CEP295NL: variants seen among roughly 807,000 people sequenced by gnomAD.
CEP295NL encodes CEP295 N-terminal like.
In CEP295NL, 3 loss-of-function variants were observed where a neutral mutation model predicts 4.6. The ratio of observed to expected loss-of-function variants is 0.65; its 90% CI spans 0.30 to 1.69. The LOEUF is 1.69. CEP295NL is among the 40% of genes most tolerant of loss of function. The pLI, the probability that CEP295NL is intolerant of heterozygous loss-of-function variation, is 0.10. For synonymous variants in CEP295NL, 295 were observed against 312.2 expected (o/e 0.94, Z 0.58); for missense variants, 719 against 769.0 (o/e 0.93, Z 0.77).
intron 2 of CEP295NL, chr17:78,900,019 T>C (rs2070065656): frequency 6.6e-6 from 1 of 152,322 alleles, no homozygotes. Context: ...CTAAGGCGCC[T>C]ACGTAGAATA....
chr17:78,896,027 G>A lies in CEP295NL; in HGVS notation c.45-3568C>T, dbSNP rs1568002134. ...GCAGCGTCAGTTTTCCTGGAGACACGCAAACGGGTAAAAACTTAACACATT... is the reference window on the plus strand; with the variant it reads ...GCAGCGTCAGTTTTCCTGGAGACACACAAACGGGTAAAAACTTAACACATT... On this transcript the variant is annotated intron_variant, in intron 2 of 2. Coordinates refer to ENST00000322630, the MANE Select transcript of CEP295NL (RefSeq NM_001243540.2). This position sits in a 1 kb window ranked among gnomAD's most constrained non-coding sequence, Gnocchi z 4.4. Among the ~76,000 whole-genome samples the A allele has an allele frequency of 1.3e-5, 2 of 152,216 alleles. No individual in the cohort carries two copies. Among genetic ancestry groups the A allele is most frequent in the Non-Finnish European group, 2.9e-5 (2 of 68,036 alleles).
At position 78,896,081 on chromosome 17, in the gene CEP295NL, A is replaced by G. The variant is rs1209739259; in HGVS notation, c.45-3622T>C. Among the ~76,000 whole-genome samples, 1 of 152,224 alleles carries G rather than the reference A, an allele frequency of 6.6e-6. No individual in the cohort carries two copies. The highest frequency in any genetic ancestry group is 1.5e-5 in the Non-Finnish European group (1 of 68,032). Reference sequence around the variant, plus strand: ...GCAGAGATCTTTGGGATAAGTCTAGAAAATTGCAGCCAGCTCCATCCTTCA... The same window carrying G: ...GCAGAGATCTTTGGGATAAGTCTAGGAAATTGCAGCCAGCTCCATCCTTCA... On this transcript the variant is annotated intron_variant, in intron 2 of 2. Transcript: ENST00000322630. The surrounding 1 kb of genome is among the most constrained non-coding windows in gnomAD (Gnocchi z 4.4).
chr17:78,902,892 C>G (rs968922633), intron 1 of CEP295NL: 4 of 152,434 alleles, frequency 2.6e-5, no homozygotes, highest in African/African-American at 9.6e-5. Flanking sequence ...CATCTCCAAC[C>G]CAGTCCCACC....
intron 2 of CEP295NL, chr17:78,901,265 T>C (rs4789863): frequency 0.96 from 148,398 of 155,202 alleles, 70,951 homozygotes; most frequent in South Asian, 0.97. Flanking sequence ...GCTCTAGAAA[T>C]GGCCAATTTG....
At chr17:78,895,608 T>C (rs1353756935) in intron 2 of CEP295NL, among the ~76,000 whole-genome samples, 1 of 152,198 alleles carries the variant, frequency 6.6e-6, no homozygotes, top group East Asian at 1.9e-4. Context: ...ACTTACCCTA[T>C]GACCCAGAGA....
At chr17:78,894,054 G>C (rs1165199899) in intron 2 of CEP295NL, among the ~76,000 whole-genome samples, 1 of 152,214 alleles carries the variant, frequency 6.6e-6, no homozygotes, top group African/African-American at 2.4e-5. Context: ...AGTTGCAGCT[G>C]AAGTCACATG....
At position 78,891,945 on chromosome 17, in the gene CEP295NL, G is replaced by A. The variant is rs2069904188; in HGVS notation, c.559C>T (p.Gln187Ter). The stretch of plus-strand genomic sequence containing the variant: ...CGGGGCCTGGAGTGCCTGGGGTGTT[G>A]CTGGCCCAACTCTTCCCTGCAACTC... ...ERSCREELGQ[Q>*]HPRHSRPRKT... The change falls in exon 3 of 3, where the codon CAA (glutamine) becomes TAA (stop). Residue 187 changes from glutamine to a stop codon, truncating the protein, a stop_gained. Coordinates refer to ENST00000322630, the MANE Select transcript of CEP295NL (RefSeq NM_001243540.2). LOFTEE classifies it low-confidence loss of function (END_TRUNC). The surrounding 1 kb of genome is among the most constrained non-coding windows in gnomAD (Gnocchi z 4.5). 1.9e-6 allele frequency: 3 copies of A among 1,550,578 alleles called. No homozygotes were observed. Among genetic ancestry groups the A allele is most frequent in the Non-Finnish European group, 2.6e-6 (3 of 1,147,004 alleles).
At chr17:78,899,211 C>T (rs948170580) in intron 2 of CEP295NL, 3 of 152,624 alleles carry the variant, frequency 2.0e-5, no homozygotes, top group African/African-American at 7.2e-5. Flanking sequence ...GCTCTGCCTT[C>T]CTCCCCTGCC....
intron 2 of CEP295NL, among the ~76,000 whole-genome samples, chr17:78,893,010 T>C (rs2069925882): frequency 6.6e-6 from 1 of 151,834 alleles, no homozygotes; most frequent in Admixed American, 6.6e-5. Flanking sequence ...GAATTGATCG[T>C]AAAGGAAAGG....
Position 78,896,996 on chromosome 17 carries a change from T to G in CEP295NL, c.45-4537A>C. ...AGAATGACGTCCAAGCAGCTCGCCT[T>G]TCCCTGGGCGGCCGCTCAGACAGCT... On this transcript the variant is annotated intron_variant, in intron 2 of 2. Coordinates refer to ENST00000322630, the MANE Select transcript of CEP295NL (RefSeq NM_001243540.2). The surrounding 1 kb of genome is among the most constrained non-coding windows in gnomAD (Gnocchi z 4.4). 1 of 985,368 alleles carries G rather than the reference T, an allele frequency of 1.0e-6. No individual in the cohort carries two copies. The allele number at this position is 985,368 out of a possible 1,614,324, so 61.0% of individuals were successfully genotyped here. A position where few individuals can be genotyped will look rare whatever the true frequency, so the allele number is the denominator to read the frequency against.
Position 78,890,784 on chromosome 17 carries a change from G to C in CEP295NL, c.1720C>G (p.Pro574Ala). 2 of 1,550,632 alleles carry C rather than the reference G, an allele frequency of 1.3e-6. No individual in the cohort carries two copies. The highest frequency in any genetic ancestry group is 2.0e-5 in the Admixed American group (1 of 51,004). ...TCGTCGGCGAGGCTGGTGCCCGATG[G>C]GGAAGTGGTGCTGAGCTCAGATCCT... is the stretch of plus-strand genomic sequence containing the variant. ...ERGSELSTTS[P>A]SGTSLADDDR... is the part of the protein sequence containing the mutation. The change falls in exon 3 of 3, where the codon CCA becomes GCA. Residue 574 changes from proline to alanine, a missense_variant. Coordinates refer to ENST00000322630, the MANE Select transcript of CEP295NL (RefSeq NM_001243540.2).
intron 2 of CEP295NL, chr17:78,898,218 G>C (rs1288216886): frequency 2.0e-5 from 3 of 152,214 alleles, no homozygotes; most frequent in Admixed American, 1.3e-4. Context: ...CTCACCATAG[G>C]AGGTGAGGCC....
In CEP295NL at chr17:78,891,770, C is replaced by T; in HGVS notation, c.734G>A (p.Ser245Asn). 1 of 1,551,202 alleles carries T rather than the reference C, an allele frequency of 6.4e-7. No individual in the cohort carries two copies. Among genetic ancestry groups the T allele is most frequent in the Non-Finnish European group, 8.7e-7 (1 of 1,147,134 alleles). ...TGACCTTTCTAGGTCCGCCCCTTTG[C>T]TCCTCCGAGGATGGATGGCACAGCG... Reference protein sequence around the residue: ...GGRCAIHPRRSKGADLERSNP... With the variant: ...GGRCAIHPRRNKGADLERSNP... The change falls in exon 3 of 3, where the codon AGC becomes AAC. Residue 245 changes from serine to asparagine, a missense_variant. Ser to Asn is a conservative substitution (Grantham distance 46). Coordinates refer to ENST00000322630, the MANE Select transcript of CEP295NL (RefSeq NM_001243540.2). The surrounding 1 kb of genome is among the most constrained non-coding windows in gnomAD (Gnocchi z 4.5).
At position 78,891,158 on chromosome 17, in the gene CEP295NL, G is replaced by T; in HGVS notation, c.1346C>A (p.Thr449Lys). The change falls in exon 3 of 3, where the codon ACA becomes AAA. Residue 449 changes from threonine (T) to lysine (K), a missense_variant. By Grantham distance (78) the Thr-to-Lys change is moderately conservative (BLOSUM62 -1). Transcript: ENST00000322630. This position sits in a 1 kb window ranked among gnomAD's most constrained non-coding sequence, Gnocchi z 4.5. ...VKPTFRNGSQ[T>K]LSPEAGIFIN... ...AAATATACCTGCCTCGGGAGACAATGTTTGACTTCCATTTCTAAACGTGGG... is the reference window on the plus strand; with the variant it reads ...AAATATACCTGCCTCGGGAGACAATTTTTGACTTCCATTTCTAAACGTGGG... 1.3e-6 allele frequency: 2 copies of T among 1,550,688 alleles called. No individual in the cohort carries two copies. The highest frequency in any genetic ancestry group is 1.7e-6 in the Non-Finnish European group (2 of 1,147,020).
Position 78,891,683 on chromosome 17 carries a change from G to A in CEP295NL, c.821C>T (p.Ala274Val), listed in dbSNP as rs1189021829. The change falls in exon 3 of 3, where the codon GCT becomes GTT. Residue 274 changes from alanine to valine, a missense_variant. Transcript: ENST00000322630. The surrounding 1 kb of genome is among the most constrained non-coding windows in gnomAD (Gnocchi z 4.5). Reference sequence around the variant, plus strand: ...TCCCAGTTGCCTCCTCCCCGCCCGAGCTGTTCCTTTCTCTTTTTCCTCCAC... The same window carrying A: ...TCCCAGTTGCCTCCTCCCCGCCCGAACTGTTCCTTTCTCTTTTTCCTCCAC... ...GLVEEKEKGT[A>V]RAGRRQLGKG... 1.3e-6 allele frequency: 2 copies of A among 1,550,948 alleles called. No homozygotes were observed. The highest frequency in any genetic ancestry group is 1.7e-6 in the Non-Finnish European group (2 of 1,147,116).
Position 78,890,620 on chromosome 17 carries a change from C to CG in CEP295NL, c.*17dup. 6.5e-7 allele frequency: 1 copy of CG among 1,545,442 alleles called. No individual in the cohort carries two copies. Among genetic ancestry groups the CG allele is most frequent in the African/African-American group, 1.4e-5 (1 of 73,056 alleles). On this transcript the variant is annotated 3_prime_UTR_variant, in exon 3 of 3. Transcript: ENST00000322630. ...ACCATTATCAGTGATGTATTTACCCCGGGTGGGCCTCTCGCATTTAGCATA... is the reference window on the plus strand; with the variant it reads ...ACCATTATCAGTGATGTATTTACCCCGGGGTGGGCCTCTCGCATTTAGCATA...
intron 2 of CEP295NL, among the ~76,000 whole-genome samples, chr17:78,900,544 CAAA>C (rs35575848): frequency 6.9e-5 from 10 of 145,068 alleles, no homozygotes; most frequent in East Asian, 2.0e-4. Flanking sequence ...GACTCCATTT[CAAA>C]AAAAAAAAAA....
intron 1 of CEP295NL, 71 bp from the exon 2 acceptor site, chr17:78,901,997 C>T (rs1006156915): frequency 1.4e-5 from 8 of 582,522 alleles, no homozygotes; most frequent in Non-Finnish European, 2.5e-5. Context: ...TCTCTGAGTT[C>T]TAGCCTCTAA....
chr17:78,902,227 C>T (rs1469371417), intron 1 of CEP295NL, among the ~76,000 whole-genome samples: 1 of 152,224 alleles, frequency 6.6e-6, no homozygotes, highest in Non-Finnish European at 1.5e-5. Context: ...CTGTCTCAGC[C>T]TTCCCAAGTA....
Sources: gnomAD v4.1 joint callset for allele counts (sites outside exome capture counted in the v4.1 genomes callset) on GRCh38, gnomAD v4.1.1 for gene constraint, Gnocchi (gnomAD v3.1) non-coding constraint, MANE v1.5 for transcripts, NCBI Gene and HGNC (gene_info 2026-07-23, HGNC 2026-07-21) for gene names.